Variants in CDH18 observed in about 807,000 individuals in gnomAD.
CDH18 encodes cadherin 18.
In CDH18, 31 loss-of-function variants were observed where a neutral mutation model predicts 67.9. The ratio of observed to expected loss-of-function variants is 0.46; its 90% CI spans 0.34 to 0.62. The LOEUF is 0.62. Ranked by LOEUF, CDH18 falls within the 20% of genes least tolerant of loss-of-function variation. The pLI is 0.01. For synonymous variants in CDH18, 362 were observed against 347.2 expected (o/e 1.04, Z -0.48); for missense variants, 890 against 975.5 (o/e 0.91, Z 1.17).
At chr5:20,028,219 G>C (rs1406735848) in intron 2 of CDH18, among the ~76,000 whole-genome samples, 2 of 151,584 alleles carry the variant, frequency 1.3e-5, no homozygotes, top group South Asian at 2.1e-4. Context: ...AAAATAATAA[G>C]ATATATTTGT....
At chr5:20,034,308 A>G (rs1424593506) in intron 2 of CDH18, among the ~76,000 whole-genome samples, 1 of 151,850 alleles carries the variant, frequency 6.6e-6, no homozygotes, top group Non-Finnish European at 1.5e-5. Context: ...GCTTTTTCAC[A>G]CCCCCTGTTT....
intron 2 of CDH18, among the ~76,000 whole-genome samples, chr5:19,868,674 C>T (rs1228606209): frequency 6.6e-6 from 1 of 152,172 alleles, no homozygotes; most frequent in Non-Finnish European, 1.5e-5. Context: ...AGGGACATCC[C>T]TCAATATAAG....
intron 3 of CDH18, among the ~76,000 whole-genome samples, chr5:19,823,606 A>G (rs1780109657): frequency 6.6e-6 from 1 of 152,204 alleles, no homozygotes; most frequent in Non-Finnish European, 1.5e-5. Context: ...ACCTAAGAGA[A>G]GACTTAGCCA....
chr5:19,882,917 T>C (rs552686004), intron 2 of CDH18, among the ~76,000 whole-genome samples: 3 of 152,214 alleles, frequency 2.0e-5, no homozygotes, highest in Non-Finnish European at 2.9e-5. Context: ...ATTTTTGTTA[T>C]CTTTATAAAA....
chr5:20,287,972 A>G (rs1374730794), intron 1 of CDH18, among the ~76,000 whole-genome samples: 1 of 151,872 alleles, frequency 6.6e-6, no homozygotes, highest in Non-Finnish European at 1.5e-5. Context: ...TTTGATGTAT[A>G]AAGCGTTGCA....
intron 8 of CDH18, among the ~76,000 whole-genome samples, chr5:19,556,179 A>G (rs1738375617): frequency 6.6e-6 from 1 of 152,230 alleles, no homozygotes; most frequent in African/African-American, 2.4e-5. Context: ...AGAAGAGACC[A>G]GAAAAATAAT....
rs146997804 is a variant in CDH18 at position 19,730,724 on chromosome 5, T to C, written c.524-9258A>G. 1.1e-4 allele frequency among the ~76,000 whole-genome samples: 16 copies of C among 151,752 alleles called. No homozygotes were observed. The East Asian group carries it at 2.9e-3, about 28-fold the overall frequency. On this transcript the variant is annotated intron_variant, in intron 4 of 12. Transcript: ENST00000382275. ...CACTATTTCTGACTCTGAATTTATA[T>C]TGCTACTGCTAAACAATCATTTTCA...
In CDH18 at chr5:20,370,927, C is replaced by T. The variant is rs535067557; in HGVS notation, c.-579-115422G>A. Among the ~76,000 whole-genome samples the T allele has an allele frequency of 2.0e-5, 3 of 152,022 alleles. No homozygotes were observed. The South Asian group carries it at 6.2e-4, about 32-fold the overall frequency. The stretch of plus-strand genomic sequence containing the variant: ...TGGCAGGCATCTGTAATCCCAGCTA[C>T]TCAGGAGGCTCAGGCAGGATAATCG... On this transcript the variant is annotated intron_variant, in intron 1 of 14. Coordinates refer to the CDH18 transcript ENST00000507958.
At chr5:20,003,578 T>C (rs1470074459) in intron 2 of CDH18, among the ~76,000 whole-genome samples, 2 of 152,172 alleles carry the variant, frequency 1.3e-5, no homozygotes, top group African/African-American at 2.4e-5. Flanking sequence ...AACAAATGAT[T>C]TTATATCAAT....
intron 1 of CDH18, among the ~76,000 whole-genome samples, chr5:20,418,937 C>T (rs533122777): frequency 1.3e-5 from 2 of 152,036 alleles, no homozygotes; most frequent in East Asian, 3.9e-4. Context: ...ATTCTCTCTC[C>T]ATATTTTCAC....
chr5:19,659,538 A>C (rs1756878397), intron 5 of CDH18, among the ~76,000 whole-genome samples: 1 of 152,096 alleles, frequency 6.6e-6, no homozygotes, highest in Non-Finnish European at 1.5e-5. Context: ...CCAAATTATT[A>C]TGGTTTGAAA....
intron 6 of CDH18, among the ~76,000 whole-genome samples, chr5:19,603,470 AG>A (rs1466884116): frequency 9.9e-5 from 15 of 152,148 alleles, no homozygotes; most frequent in Admixed American, 7.2e-4. Context: ...GAATATACGT[AG>A]TGTTATTTAA....
At position 20,532,804 on chromosome 5, in the gene CDH18, C is replaced by A. The variant is rs538578303; in HGVS notation, c.-580+42658G>T. Among the ~76,000 whole-genome samples the A allele has an allele frequency of 2.0e-5, 3 of 152,064 alleles. No homozygotes were observed. In the South Asian group the frequency reaches 6.2e-4, roughly 32 times the overall value. On this transcript the variant is annotated intron_variant, in intron 1 of 14. Coordinates refer to the CDH18 transcript ENST00000507958. ...TACAATAATCCATTGTTTAGTTAAC[C>A]ATAAATAATCTCTCTTAATATTGAT...
At chr5:20,342,598 A>G (rs1740368757) in intron 1 of CDH18, among the ~76,000 whole-genome samples, 1 of 152,174 alleles carries the variant, frequency 6.6e-6, no homozygotes, top group South Asian at 2.1e-4. Flanking sequence ...AGTTCTCTAG[A>G]TAAACAGCAA....
Position 19,660,510 on chromosome 5 carries a change from T to C in CDH18, c.644-47909A>G, listed in dbSNP as rs114091360. 5.0e-3 allele frequency among the ~76,000 whole-genome samples: 759 copies of C among 152,250 alleles called. 3 individuals carry two copies. The highest frequency in any genetic ancestry group is 0.018 in the African/African-American group (731 of 41,566). On this transcript the variant is annotated intron_variant, in intron 5 of 12. Transcript: ENST00000382275. Reference sequence around the variant, plus strand: ...TCAATTCTGTCATAAGAAGCTAAAATTCTCAAAGCCAATGTATATTATTTA... The same window carrying C: ...TCAATTCTGTCATAAGAAGCTAAAACTCTCAAAGCCAATGTATATTATTTA...
At chr5:19,715,213 T>C (rs1209944956) in intron 5 of CDH18, among the ~76,000 whole-genome samples, 1 of 152,136 alleles carries the variant, frequency 6.6e-6, no homozygotes, top group East Asian at 1.9e-4. Context: ...TGAAATAAAT[T>C]TGGGGAGGTA....
intron 1 of CDH18, among the ~76,000 whole-genome samples, chr5:20,573,134 A>G (rs1175936071): frequency 2.0e-5 from 3 of 152,078 alleles, no homozygotes; most frequent in Non-Finnish European, 2.9e-5. Context: ...AAATTACAGA[A>G]TTTGTAAGAA....
In CDH18 at chr5:19,594,386, C is replaced by T. The variant is rs559599025; in HGVS notation, c.812-3142G>A. ...CAGACTGGTCTTGAACTCCTGACCT[C>T]GTGATCCACCTGTCTCTGCCTTCCA... On this transcript the variant is annotated intron_variant, in intron 6 of 12. Transcript: ENST00000382275. 7.2e-5 allele frequency among the ~76,000 whole-genome samples: 11 copies of T among 152,158 alleles called. No homozygotes were observed. In the South Asian group the frequency reaches 2.3e-3, roughly 32 times the overall value.
chr5:20,390,029 A>T (rs1299873319), intron 1 of CDH18, among the ~76,000 whole-genome samples: 2 of 152,222 alleles, frequency 1.3e-5, no homozygotes, highest in African/African-American at 4.8e-5. Flanking sequence ...TAAAACCATA[A>T]AAACCCTAGA....
Sources: gnomAD v4.1 joint callset for allele counts (sites outside exome capture counted in the v4.1 genomes callset) on GRCh38, gnomAD v4.1.1 for gene constraint, MANE v1.5 for transcripts, NCBI Gene and HGNC (gene_info 2026-07-23, HGNC 2026-07-21) for gene names.